Variants in GABBR2 observed in about 807,000 individuals in gnomAD.
GABBR2 encodes gamma-aminobutyric acid type B receptor subunit 2, also known as G-protein coupled receptor 51.
Under a neutral mutation model 105.6 loss-of-function variants are expected in GABBR2, and 23 were observed. The ratio of observed to expected loss-of-function variants is 0.22; its 90% CI spans 0.16 to 0.31. The LOEUF (loss-of-function observed/expected upper bound fraction) is 0.31, where lower values mean the gene tolerates loss of function less well. Ranked by LOEUF, GABBR2 falls within the 10% of genes least tolerant of loss-of-function variation. GABBR2 has a pLI of 1.00. For missense variants in GABBR2, 734 were observed against 1,245.5 expected (o/e 0.59, Z 6.18); for synonymous variants, 478 against 499.7 (o/e 0.96, Z 0.58).
At chr9:98,696,689 A>G (rs1830757598) in intron 1 of GABBR2, among the ~76,000 whole-genome samples, 1 of 152,224 alleles carries the variant, frequency 6.6e-6, no homozygotes, top group South Asian at 2.1e-4. Flanking sequence ...AGGAAGCACC[A>G]CTATTACCCT....
intron 3 of GABBR2, among the ~76,000 whole-genome samples, chr9:98,513,428 C>A (rs1827693170): frequency 1.3e-5 from 2 of 152,046 alleles, no homozygotes; most frequent in Admixed American, 1.3e-4. Context: ...AACTAAAGAA[C>A]TTCTGCACAG....
chr9:98,296,049 T>C (rs1451724188), intron 17 of GABBR2, among the ~76,000 whole-genome samples: 1 of 152,348 alleles, frequency 6.6e-6, no homozygotes, highest in East Asian at 1.9e-4. Flanking sequence ...TCCATACTGC[T>C]ATGGTCTGAA....
rs1405804556 is a variant in GABBR2, at chr9:98,289,818, A to AGAC, written c.*763_*765dup. On this transcript the variant is annotated 3_prime_UTR_variant, in exon 19 of 19. Transcript: ENST00000259455. ...ATGGCCAACGTGGTGGGTGCATGAC[A>AGAC]GACTGTCGGTGAATGCTGCAGAGCG... is the stretch of plus-strand genomic sequence containing the variant. 1 of 152,706 alleles carries AGAC rather than the reference A, an allele frequency of 6.5e-6. No homozygotes were observed. Among genetic ancestry groups the AGAC allele is most frequent in the African/African-American group, 2.4e-5 (1 of 41,442 alleles). The allele number at this position is 152,706 out of a possible 1,614,324, so 9.5% of individuals were successfully genotyped here.
intron 8 of GABBR2, among the ~76,000 whole-genome samples, chr9:98,404,117 T>C (rs1832447993): frequency 1.3e-5 from 2 of 151,410 alleles, no homozygotes; most frequent in Non-Finnish European, 2.9e-5. Context: ...GATCAGCCAA[T>C]CCTTATTTTA....
chr9:98,602,653 T>C (rs1829357828), intron 1 of GABBR2, among the ~76,000 whole-genome samples: 4 of 152,024 alleles, frequency 2.6e-5, no homozygotes, highest in Admixed American at 2.6e-4. Flanking sequence ...ATCATAATAA[T>C]CCTAAAACAA....
intron 3 of GABBR2, among the ~76,000 whole-genome samples, chr9:98,525,429 G>A (rs1245549138): frequency 6.6e-6 from 1 of 152,154 alleles, no homozygotes; most frequent in African/African-American, 2.4e-5. Flanking sequence ...ATTCATTAGA[G>A]AAATGCACAT....
chr9:98,589,138 A>T (rs1829114353), intron 1 of GABBR2, among the ~76,000 whole-genome samples: 1 of 152,190 alleles, frequency 6.6e-6, no homozygotes, highest in African/African-American at 2.4e-5. Flanking sequence ...ACCTGACTAC[A>T]GGTGATCTCT....
intron 1 of GABBR2, among the ~76,000 whole-genome samples, chr9:98,634,830 G>A (rs757272527): frequency 1.3e-5 from 2 of 152,238 alleles, no homozygotes; most frequent in East Asian, 1.9e-4. Flanking sequence ...GAACGCATGC[G>A]ACCCATGCCT....
intron 4 of GABBR2, among the ~76,000 whole-genome samples, chr9:98,491,664 C>T (rs1037574498): frequency 6.6e-6 from 1 of 152,170 alleles, no homozygotes; most frequent in African/African-American, 2.4e-5. Context: ...AGTCCCTCTC[C>T]TAGTTAACAC....
At chr9:98,696,857 TAA>T (rs1830759359) in intron 1 of GABBR2, among the ~76,000 whole-genome samples, 1 of 151,980 alleles carries the variant, frequency 6.6e-6, no homozygotes, top group South Asian at 2.1e-4. Context: ...GACAGACATT[TAA>T]AGTGAGTAGA....
chr9:98,447,942 A>G (rs1254403771), intron 7 of GABBR2, among the ~76,000 whole-genome samples: 7 of 152,142 alleles, frequency 4.6e-5, no homozygotes, highest in Non-Finnish European at 8.8e-5. Flanking sequence ...CCTCTTCACC[A>G]GCAACAAAAG....
At chr9:98,495,939 A>G (rs1437043373) in intron 4 of GABBR2, 1 of 166,590 alleles carries the variant, frequency 6.0e-6, no homozygotes, top group Admixed American at 5.8e-5. Flanking sequence ...GAAGGAATGG[A>G]CAAATGAAAA....
chr9:98,289,717 G>T lies in GABBR2; in HGVS notation c.*867C>A, dbSNP rs1830259189. 1 of 152,572 alleles carries T rather than the reference G, an allele frequency of 6.6e-6. No homozygotes were observed. The highest frequency in any genetic ancestry group is 1.5e-5 in the Non-Finnish European group (1 of 68,042). 9.5% of individuals were successfully genotyped at this position (152,572 alleles called of 1,614,324 possible). A position where few individuals can be genotyped will look rare whatever the true frequency, so the allele number is the denominator to read the frequency against. ...TGCACAATCTTTCTTTATCGTGTTT[G>T]CTGGGAACAGACATTCCATGATTAG... On this transcript the variant is annotated 3_prime_UTR_variant, in exon 19 of 19. Coordinates refer to ENST00000259455, the MANE Select transcript of GABBR2 (RefSeq NM_005458.8).
intron 17 of GABBR2, among the ~76,000 whole-genome samples, chr9:98,298,599 A>C (rs1409891968): frequency 6.6e-6 from 1 of 152,208 alleles, no homozygotes; most frequent in South Asian, 2.1e-4. Context: ...TCTAAAAGGT[A>C]GGCAAAAATG....
chr9:98,607,352 T>C (rs1356874827), intron 1 of GABBR2: 2 of 730,994 alleles, frequency 2.7e-6, no homozygotes, highest in African/African-American at 3.5e-5. Flanking sequence ...CTTAAACCAT[T>C]GAATATTGAG....
At chr9:98,383,157 T>C (rs1035280790) in intron 11 of GABBR2, among the ~76,000 whole-genome samples, 14 of 152,158 alleles carry the variant, frequency 9.2e-5, no homozygotes, top group African/African-American at 3.1e-4. Flanking sequence ...GTCAGGCTGG[T>C]CTTGAACTCC....
At chr9:98,362,670 G>A (rs368303000) in intron 13 of GABBR2, 45 bp downstream of exon 13, 5 of 1,446,340 alleles carry the variant, frequency 3.5e-6, no homozygotes, top group Non-Finnish European at 9.1e-7. Flanking sequence ...CATGTGCCAG[G>A]GGCTGCATCT....
intron 1 of GABBR2, among the ~76,000 whole-genome samples, chr9:98,677,367 A>G (rs1830490010): frequency 6.6e-6 from 1 of 152,224 alleles, no homozygotes; most frequent in Non-Finnish European, 1.5e-5. Flanking sequence ...GGCTTTTCAC[A>G]TATTAATAAC....
intron 1 of GABBR2, among the ~76,000 whole-genome samples, chr9:98,684,169 T>TTAAAAAAAAAAAAAAAAAAAA (rs376323708): frequency 1.5e-5 from 1 of 66,116 alleles, no homozygotes; most frequent in African/African-American, 6.3e-5. Context: ...TTTACCACGG[T>TTAAAAAAAAAAAAAAAAAAAA]AAAAAAAAAA....
Sources: gnomAD v4.1 joint callset for allele counts (sites outside exome capture counted in the v4.1 genomes callset) on GRCh38, gnomAD v4.1.1 for gene constraint, MANE v1.5 for transcripts, NCBI Gene and HGNC (gene_info 2026-07-23, HGNC 2026-07-21) for gene names.